Variants in SLC45A4 observed in about 807,000 individuals in gnomAD.
SLC45A4 encodes the protein polyamine-transporter SLC45A4.
In SLC45A4, 32 loss-of-function variants were observed where a neutral mutation model predicts 63.7. The observed-to-expected ratio is 0.50, with a 90% CI of 0.38 to 0.67. The LOEUF is 0.67. SLC45A4 is among the 30% of genes least tolerant of loss of function. SLC45A4 has a pLI of 0.00. For synonymous variants in SLC45A4, 535 were observed against 510.0 expected (o/e 1.05, Z -0.66); for missense variants, 1,027 against 1,157.7 (o/e 0.89, Z 1.64).
chr8:141,286,627 C>A (rs1022555711), intron 1 of SLC45A4, among the ~76,000 whole-genome samples: 2 of 152,128 alleles, frequency 1.3e-5, no homozygotes, highest in Non-Finnish European at 2.9e-5. Flanking sequence ...TTCTTCAGAG[C>A]CTGCCCCCCA....
At chr8:141,291,845 G>A (rs1033371383) in intron 1 of SLC45A4, among the ~76,000 whole-genome samples, 7 of 152,220 alleles carry the variant, frequency 4.6e-5, no homozygotes, top group African/African-American at 1.7e-4. Flanking sequence ...CCCAGCCAAG[G>A]AAAGACTGAG....
chr8:141,220,397 G>C (rs985851619), intron 3 of SLC45A4, among the ~76,000 whole-genome samples: 4 of 152,204 alleles, frequency 2.6e-5, no homozygotes, highest in African/African-American at 7.2e-5. Flanking sequence ...GCTCTAGAGA[G>C]AAAGATGCCA....
At chr8:141,220,705 C>T (rs1275326640) in intron 3 of SLC45A4, among the ~76,000 whole-genome samples, 1 of 152,212 alleles carries the variant, frequency 6.6e-6, no homozygotes, top group Non-Finnish European at 1.5e-5. Context: ...CTCCTCAGAC[C>T]ACGGGCAGGC....
At chr8:141,212,149 C>CGGGGG in intron 8 of SLC45A4, 48 bp downstream of exon 8, 2 of 643,494 alleles carry the variant, frequency 3.1e-6, no homozygotes, top group Admixed American at 5.8e-5. Flanking sequence ...CCCGCCCGCC[C>CGGGGG]GCCCACCCGC....
At chr8:141,250,119 C>A (rs770821064) in intron 2 of SLC45A4, among the ~76,000 whole-genome samples, 1 of 152,212 alleles carries the variant, frequency 6.6e-6, no homozygotes, top group African/African-American at 2.4e-5. Context: ...GACACCCCTA[C>A]AACTTTGGAA....
intron 1 of SLC45A4, among the ~76,000 whole-genome samples, chr8:141,265,630 C>A (rs1442534721): frequency 1.3e-5 from 2 of 152,248 alleles, no homozygotes; most frequent in Admixed American, 1.3e-4. Flanking sequence ...TGACGTCACA[C>A]TGAACCCATT....
intron 1 of SLC45A4, among the ~76,000 whole-genome samples, chr8:141,307,815 G>GT (rs1214713583): frequency 2.2e-5 from 3 of 135,258 alleles, no homozygotes; most frequent in Non-Finnish European, 3.3e-5. Flanking sequence ...GGGGGCCGGG[G>GT]TGGGGGGAAT....
chr8:141,286,063 A>G (rs1830134139), intron 1 of SLC45A4, among the ~76,000 whole-genome samples: 1 of 152,132 alleles, frequency 6.6e-6, no homozygotes, highest in Admixed American at 6.5e-5. Context: ...GGGCAGTTGC[A>G]TTGCAGGGAC....
chr8:141,298,121 T>C (rs1229250948), intron 1 of SLC45A4, among the ~76,000 whole-genome samples: 2 of 152,162 alleles, frequency 1.3e-5, no homozygotes, highest in Non-Finnish European at 2.9e-5. Flanking sequence ...GCCCTTCCCT[T>C]CATCCCACAG....
intron 1 of SLC45A4, among the ~76,000 whole-genome samples, chr8:141,267,516 G>A (rs1331873871): frequency 6.6e-6 from 1 of 152,266 alleles, no homozygotes; most frequent in Non-Finnish European, 1.5e-5. Context: ...CACTGTGTGA[G>A]ATGGATTCTT....
rs912572488 is a variant in SLC45A4, at chr8:141,209,112, C to T, written c.*2460G>A. 8 of 152,742 alleles carry T rather than the reference C, an allele frequency of 5.2e-5. No individual in the cohort carries two copies. Among genetic ancestry groups the T allele is most frequent in the African/African-American group, 1.7e-4 (7 of 41,462 alleles). The allele number at this position is 152,742 out of a possible 1,614,324, so 9.5% of individuals were successfully genotyped here. A position where few individuals can be genotyped will look rare whatever the true frequency, so the allele number is the denominator to read the frequency against. On this transcript the variant is annotated 3_prime_UTR_variant, in exon 9 of 9. Transcript: ENST00000517878. ...CCAGGGGGCACCCGCACGGCCTCCT[C>T]GTCCCTCTCGGGCAAGGCTATCAGC...
chr8:141,306,271 A>C (rs781182509), intron 1 of SLC45A4, among the ~76,000 whole-genome samples: 2 of 152,216 alleles, frequency 1.3e-5, no homozygotes, highest in Non-Finnish European at 2.9e-5. Context: ...TGTGTATTTC[A>C]AACACATTTC....
rs751947546 is a variant in SLC45A4 at position 141,218,774 on chromosome 8, G to A, written c.866C>T (p.Ser289Leu). The A allele has an allele frequency of 8.7e-6, 14 of 1,613,174 alleles. No homozygotes were observed. The Admixed American group carries it at 1.5e-4, about 17-fold the overall frequency. The change falls in exon 5 of 9, where the codon TCG becomes TTG. Residue 289 changes from serine to leucine, a missense_variant. Coordinates refer to ENST00000517878, the MANE Select transcript of SLC45A4 (RefSeq NM_001286646.2). ...GVPAFPDEVQ[S>L]EHELALDYPD... ...GTAGTCCAGGGCCAGCTCGTGCTCCGACTGTACCTCGTCTGGGAAGGCAGG... is the reference window on the plus strand; with the variant it reads ...GTAGTCCAGGGCCAGCTCGTGCTCCAACTGTACCTCGTCTGGGAAGGCAGG...
intron 2 of SLC45A4, chr8:141,228,140 C>A (rs1185788735): frequency 6.2e-7 from 1 of 1,613,170 alleles, no homozygotes; most frequent in Admixed American, 1.7e-5. Flanking sequence ...ATGGAGTGAT[C>A]TGGGTGGAGG....
chr8:141,248,813 G>A lies in SLC45A4; in HGVS notation c.241+5176C>T, dbSNP rs536116106. 5.3e-5 allele frequency among the ~76,000 whole-genome samples: 8 copies of A among 151,940 alleles called. No individual in the cohort carries two copies. In the South Asian group the frequency reaches 6.2e-4, roughly 12 times the overall value. On this transcript the variant is annotated intron_variant, in intron 2 of 8. Coordinates refer to ENST00000517878, the MANE Select transcript of SLC45A4 (RefSeq NM_001286646.2). Reference sequence around the variant, plus strand: ...GCAGATGGCTTGAGCCCAGAAGTTCGAAACCAGCCTGGGCAACATACGGTG... The same window carrying A: ...GCAGATGGCTTGAGCCCAGAAGTTCAAAACCAGCCTGGGCAACATACGGTG...
rs879321353 is a variant in SLC45A4 at position 141,214,588 on chromosome 8, A to T, written c.1941+1171T>A. ...TTAATTTTAAAAGCCCAGAAGCTGAATCTAACATTTAGATGACAAATAAAT... is the reference window on the plus strand; with the variant it reads ...TTAATTTTAAAAGCCCAGAAGCTGATTCTAACATTTAGATGACAAATAAAT... On this transcript the variant is annotated intron_variant, in intron 7 of 8. Coordinates refer to ENST00000517878, the MANE Select transcript of SLC45A4 (RefSeq NM_001286646.2). 2.8e-4 allele frequency among the ~76,000 whole-genome samples: 43 copies of T among 152,396 alleles called. No homozygotes were observed. In the Middle Eastern group the frequency reaches 0.01, roughly 36 times the overall value.
Position 141,254,320 on chromosome 8 carries a change from C to T in SLC45A4, c.-91G>A. On this transcript the variant is annotated 5_prime_UTR_variant, in exon 2 of 9. Transcript: ENST00000517878. The surrounding 1 kb of genome is among the most constrained non-coding windows in gnomAD (Gnocchi z 4.5). ...GTAATGATAAATTAAGACGTCTTCT[C>T]TTTCTGCTTCTGCTGTGTTCCTCGG... The T allele has an allele frequency of 7.4e-7, 1 of 1,344,958 alleles. No homozygotes were observed. Among genetic ancestry groups the T allele is most frequent in the Non-Finnish European group, 9.8e-7 (1 of 1,016,572 alleles). The allele number at this position is 1,344,958 out of a possible 1,614,324, so 83.3% of individuals were successfully genotyped here.
intron 5 of SLC45A4, 124 bp from the exon 6 acceptor site, chr8:141,217,313 T>A (rs1826218312): frequency 1.0e-5 from 10 of 992,496 alleles, no homozygotes; most frequent in Non-Finnish European, 1.5e-5. Flanking sequence ...GAAAGTCCCA[T>A]CCAGGAGGAG....
At chr8:141,284,722 C>T (rs888653599) in intron 1 of SLC45A4, among the ~76,000 whole-genome samples, 4 of 152,148 alleles carry the variant, frequency 2.6e-5, no homozygotes, top group African/African-American at 4.8e-5. Flanking sequence ...GGGGATGAAA[C>T]GCCTACCCCA....
Sources: gnomAD v4.1 joint callset for allele counts (sites outside exome capture counted in the v4.1 genomes callset) on GRCh38, gnomAD v4.1.1 for gene constraint, Gnocchi (gnomAD v3.1) non-coding constraint, MANE v1.5 for transcripts, NCBI Gene and HGNC (gene_info 2026-07-23, HGNC 2026-07-21) for gene names.